The following NUP160 variants were observed in gnomAD, a reference collection of about 807,000 sequenced individuals.
NUP160 encodes nuclear pore complex protein Nup160.
In NUP160, 94 loss-of-function variants were observed where a neutral mutation model predicts 196.9. The observed-to-expected ratio is 0.48, with a 90% CI of 0.40 to 0.57. NUP160 has a LOEUF of 0.57. Ranked by LOEUF, NUP160 falls within the 20% of genes least tolerant of loss-of-function variation. NUP160 has a pLI of 0.00. For missense variants in NUP160, 1,638 were observed against 1,748.3 expected (o/e 0.94, Z 1.13); for synonymous variants, 605 against 619.7 (o/e 0.98, Z 0.35).
intron 7 of NUP160, among the ~76,000 whole-genome samples, chr11:47,829,038 A>C (rs1852027189): frequency 1.3e-5 from 2 of 152,232 alleles, no homozygotes; most frequent in Admixed American, 1.3e-4. Flanking sequence ...TAGGTTTGGC[A>C]AAGGATTCTT....
intron 13 of NUP160, among the ~76,000 whole-genome samples, 183 bp from the exon 14 acceptor site, chr11:47,813,598 G>C (rs531701408): frequency 1.3e-5 from 2 of 152,000 alleles, no homozygotes; most frequent in East Asian, 3.9e-4. Flanking sequence ...GGGAGGCTGA[G>C]GTGGGAGGAT....
At position 47,794,773 on chromosome 11, in the gene NUP160, G is replaced by A. The variant is rs531869066; in HGVS notation, c.3290-1827C>T. Among the ~76,000 whole-genome samples, 16 of 152,018 alleles carry A rather than the reference G, an allele frequency of 1.1e-4. No individual in the cohort carries two copies. In the South Asian group the frequency reaches 3.3e-3, roughly 32 times the overall value. ...AAAAATGCAAAAAAAATTGTCGAGCGTGGTGGTGCATGCCTGCAGTCCCAG... is the reference window on the plus strand; with the variant it reads ...AAAAATGCAAAAAAAATTGTCGAGCATGGTGGTGCATGCCTGCAGTCCCAG... On this transcript the variant is annotated intron_variant, in intron 27 of 35. Transcript: ENST00000378460.
At chr11:47,793,722 GTTTTTTTTTTTTTTTTTTTTT>G (rs750497969) in intron 27 of NUP160, among the ~76,000 whole-genome samples, 39 of 87,690 alleles carry the variant, frequency 4.4e-4, no homozygotes, top group African/African-American at 2.0e-3. Context: ...TAAGATATCT[GTTTTTTTTTTTTTTTTTTTTT>G]TTTTTTTTTT....
intron 18 of NUP160, among the ~76,000 whole-genome samples, chr11:47,808,172 T>G (rs540194993): frequency 1.0e-3 from 152 of 152,128 alleles, no homozygotes; most frequent in Non-Finnish European, 1.7e-3. Flanking sequence ...TCTCAGCTAC[T>G]TGGGAGGCTG....
chr11:47,815,670 G>T (rs769924926), intron 12 of NUP160, 21 bp from the exon 13 acceptor site: 13 of 1,557,312 alleles, frequency 8.3e-6, no homozygotes, highest in South Asian at 7.4e-5. Context: ...AGAAATGAAA[G>T]AAATTAAACT....
intron 10 of NUP160, among the ~76,000 whole-genome samples, chr11:47,818,577 ACT>A (rs1189376826): frequency 1.3e-5 from 2 of 152,110 alleles, no homozygotes; most frequent in African/African-American, 2.4e-5. Flanking sequence ...ACAGCAATAA[ACT>A]CTCACAAGTA....
At chr11:47,796,365 C>A (rs1484461909) in intron 27 of NUP160, 1 of 597,908 alleles carries the variant, frequency 1.7e-6, no homozygotes, top group South Asian at 2.1e-5. Context: ...GGAATTTATC[C>A]TTACAAATTG....
At chr11:47,796,663 A>G (rs535558013) in intron 27 of NUP160, among the ~76,000 whole-genome samples, 2 of 152,350 alleles carry the variant, frequency 1.3e-5, no homozygotes, top group South Asian at 2.1e-4. Flanking sequence ...CAAATTTTAC[A>G]TTAAAAAGTT....
At chr11:47,783,150 A>T in exon 34 of NUP160, 1 of 1,613,970 alleles carries the variant, frequency 6.2e-7, no homozygotes, top group Non-Finnish European at 8.5e-7. Context: ...GCTTCTTCTA[A>T]AAGGTCATAG....
intron 10 of NUP160, 105 bp downstream of exon 10, chr11:47,819,269 T>C: frequency 7.8e-6 from 6 of 767,126 alleles, no homozygotes; most frequent in Non-Finnish European, 1.3e-5. Context: ...GCCAAGATCA[T>C]GCCACTGTAC....
At position 47,835,815 on chromosome 11, in the gene NUP160, C is replaced by T; in HGVS notation, c.943-6G>A. The T allele has an allele frequency of 1.3e-6, 2 of 1,566,582 alleles. No homozygotes were observed. The highest frequency in any genetic ancestry group is 1.7e-6 in the Non-Finnish European group (2 of 1,157,692). ...ACCATTAGGCACATTTGCTCCTGTC[C>T]AAGAAAATAGTTAATAGGTGATATT... is the stretch of plus-strand genomic sequence containing the variant. On this transcript the variant is annotated splice_region_variant and splice_polypyrimidine_tract_variant and intron_variant, in intron 6 of 35. Coordinates refer to ENST00000378460, the Ensembl canonical transcript of NUP160.
At chr11:47,779,469 T>G (rs776481531) in intron 35 of NUP160, 1 of 492,180 alleles carries the variant, frequency 2.0e-6, no homozygotes, top group African/African-American at 2.0e-5. Flanking sequence ...GATCACTAAC[T>G]CTTTTCTCAG....
intron 34 of NUP160, among the ~76,000 whole-genome samples, chr11:47,781,661 C>G (rs1213317653): frequency 1.3e-5 from 2 of 152,092 alleles, no homozygotes; most frequent in Non-Finnish European, 1.5e-5. Flanking sequence ...AACCTCTGAG[C>G]CTGTTCCCTC....
At chr11:47,843,325 C>T (rs1290667599) in intron 2 of NUP160, among the ~76,000 whole-genome samples, 1 of 152,156 alleles carries the variant, frequency 6.6e-6, no homozygotes, top group Non-Finnish European at 1.5e-5. Flanking sequence ...CCTCCATGAT[C>T]CAAAGGCCAA....
At chr11:47,828,939 A>G (rs12279350) in intron 7 of NUP160, among the ~76,000 whole-genome samples, 1 of 152,096 alleles carries the variant, frequency 6.6e-6, no homozygotes, top group South Asian at 2.1e-4. Flanking sequence ...AAACCCCACA[A>G]AACTAAAAAA....
chr11:47,797,946 G>T (rs1226000910), intron 26 of NUP160, 32 bp downstream of exon 26: 1 of 1,544,818 alleles, frequency 6.5e-7, no homozygotes, highest in Non-Finnish European at 8.9e-7. Flanking sequence ...CACCATACTT[G>T]TTGAAAGCCA....
At position 47,812,435 on chromosome 11, in the gene NUP160, AG is replaced by A. The variant is rs2097681720; in HGVS notation, c.1953-7del. ...TATCCTCCATCACATTTTCTCTATAAGGACAATTACAAAACTCTTATTACTA... is the reference window on the plus strand; with the variant it reads ...TATCCTCCATCACATTTTCTCTATAAGACAATTACAAAACTCTTATTACTA... On this transcript the variant is annotated splice_region_variant and splice_polypyrimidine_tract_variant and intron_variant, in intron 15 of 35. Transcript: ENST00000378460. 1 of 1,611,372 alleles carries A rather than the reference AG, an allele frequency of 6.2e-7. No homozygotes were observed. The highest frequency in any genetic ancestry group is 2.2e-5 in the East Asian group (1 of 44,854).
Position 47,785,198 on chromosome 11 carries a change from T to C in NUP160, c.3849-135A>G, listed in dbSNP as rs1018868915. On this transcript the variant is annotated intron_variant, in intron 32 of 35. Coordinates refer to ENST00000378460, the Ensembl canonical transcript of NUP160. ...CTCTGTCACCCAGGCTAGAGTGGAG[T>C]GGTGTGATCTCAGCTCACTGCAGCC... is the stretch of plus-strand genomic sequence containing the variant. 11 of 399,114 alleles carry C rather than the reference T, an allele frequency of 2.8e-5. 1 individual carries two copies. Among genetic ancestry groups the C allele is most frequent in the Non-Finnish European group, 4.1e-5 (9 of 221,154 alleles). The allele number at this position is 399,114 out of a possible 1,614,324, so 24.7% of individuals were successfully genotyped here. A position where few individuals can be genotyped will look rare whatever the true frequency, so the allele number is the denominator to read the frequency against.
At chr11:47,823,597 C>T (rs965980115) in intron 7 of NUP160, among the ~76,000 whole-genome samples, 13 of 151,878 alleles carry the variant, frequency 8.6e-5, no homozygotes, top group Non-Finnish European at 1.5e-4. Context: ...TGCAATGGTG[C>T]GATCTCGGCT....
Sources: allele counts gnomAD v4.1 joint callset (sites outside exome capture counted in the v4.1 genomes callset), GRCh38; gene constraint gnomAD v4.1.1; transcripts MANE v1.5; gene names NCBI Gene and HGNC (gene_info 2026-07-23, HGNC 2026-07-21).